The following ARHGAP26 variants were observed in gnomAD, a reference collection of about 807,000 sequenced individuals.
ARHGAP26 encodes the protein rho GTPase-activating protein 26.
A neutral mutation model predicts 104.8 loss-of-function variants in ARHGAP26; 38 were observed. The observed-to-expected ratio is 0.36, with a 90% CI of 0.28 to 0.48. The LOEUF is 0.48. Among genes scored for constraint, ARHGAP26 ranks in the 20% least tolerant of loss-of-function variants. The pLI, the probability that ARHGAP26 is intolerant of heterozygous loss-of-function variation, is 0.99. For synonymous variants in ARHGAP26, 341 were observed against 340.0 expected, an observed-to-expected ratio of 1.00 and a Z score of -0.03; for missense variants, 704 against 947.9, an observed-to-expected ratio of 0.74 and a Z score of 3.38.
chr5:142,896,015 A>G (rs554207281), intron 6 of ARHGAP26, among the ~76,000 whole-genome samples: 10 of 152,238 alleles, frequency 6.6e-5, no homozygotes, highest in Admixed American at 2.0e-4. Flanking sequence ...GTGTGGTTTC[A>G]GTCAAGGTCC....
At chr5:143,135,316 T>G (rs740010) in intron 19 of ARHGAP26, among the ~76,000 whole-genome samples, 3,843 of 152,252 alleles carry the variant, frequency 0.025, 131 homozygotes, top group African/African-American at 0.07. Flanking sequence ...ATTAAGGCCC[T>G]TCAAATGTTG....
chr5:143,133,646 G>A (rs752425608), intron 18 of ARHGAP26, among the ~76,000 whole-genome samples: 1 of 152,240 alleles, frequency 6.6e-6, no homozygotes, highest in African/African-American at 2.4e-5. Flanking sequence ...GCTGTTAACA[G>A]ACAGTGGCTT....
intron 11 of ARHGAP26, among the ~76,000 whole-genome samples, chr5:142,989,004 G>A (rs1355011863): frequency 6.6e-6 from 1 of 152,114 alleles, no homozygotes; most frequent in African/African-American, 2.4e-5. Flanking sequence ...ATGTCTTTTA[G>A]GTCTGCTTGG....
chr5:143,052,480 GA>G (rs935102374), intron 14 of ARHGAP26, among the ~76,000 whole-genome samples: 3 of 150,712 alleles, frequency 2.0e-5, no homozygotes, highest in East Asian at 1.9e-4. Context: ...AAAAAAAAAA[GA>G]AAAAAAAATT....
At chr5:142,907,316 G>A (rs1477839111) in intron 8 of ARHGAP26, 1 of 154,398 alleles carries the variant, frequency 6.5e-6, no homozygotes, top group East Asian at 1.9e-4. Flanking sequence ...AGCGCTTGGA[G>A]GAGGCTTTCT....
In ARHGAP26 at chr5:142,873,403, T is replaced by C. The variant is rs773309825; in HGVS notation, c.158T>C (p.Leu53Ser). 6.3e-7 allele frequency: 1 copy of C among 1,590,438 alleles called. No homozygotes were observed. Among genetic ancestry groups the C allele is most frequent in the South Asian group, 1.2e-5 (1 of 85,836 alleles). ...TTTCCTGTCTTTTTCTTGCTAGATTTGTCTTCAGCGAAGCGGAAGTTTGCA... is the reference window on the plus strand; with the variant it reads ...TTTCCTGTCTTTTTCTTGCTAGATTCGTCTTCAGCGAAGCGGAAGTTTGCA... The part of the protein sequence containing the change: ...GKSLISALKN[L>S]SSAKRKFADS... The change falls in exon 2 of 23, where the codon TTG becomes TCG. Residue 53 changes from leucine to serine, a missense_variant. Leu to Ser is a moderately radical substitution (Grantham distance 145, BLOSUM62 -2). This residue lies in a region of ARHGAP26 where 77 missense variants were observed against 82.6 expected (regional missense o/e 0.93). Transcript: ENST00000645722.
chr5:142,952,979 G>A (rs1475309747), intron 11 of ARHGAP26, among the ~76,000 whole-genome samples: 1 of 152,150 alleles, frequency 6.6e-6, no homozygotes. Context: ...AAAGTGCTGG[G>A]ATTACAGGCA....
At chr5:142,938,612 C>T (rs1236272751) in intron 11 of ARHGAP26, among the ~76,000 whole-genome samples, 1 of 152,192 alleles carries the variant, frequency 6.6e-6, no homozygotes, top group African/African-American at 2.4e-5. Context: ...TCTACCAGCC[C>T]ATCATCATTG....
At chr5:142,972,352 C>T (rs927845001) in intron 11 of ARHGAP26, among the ~76,000 whole-genome samples, 2 of 152,046 alleles carry the variant, frequency 1.3e-5, no homozygotes, top group African/African-American at 4.8e-5. Context: ...TTGCTGTCTG[C>T]ACATTTTCTT....
intron 22 of ARHGAP26, among the ~76,000 whole-genome samples, chr5:143,220,036 G>GT (rs1810928894): frequency 1.3e-5 from 2 of 152,164 alleles, no homozygotes; most frequent in African/African-American, 4.8e-5. Flanking sequence ...CATTGTAAAT[G>GT]TTTTCACCCC....
intron 1 of ARHGAP26, among the ~76,000 whole-genome samples, chr5:142,793,649 A>G (rs185306837): frequency 1.3e-5 from 2 of 152,038 alleles, no homozygotes; most frequent in East Asian, 3.9e-4. Context: ...GTGCAGTGGC[A>G]TGATCTCGGC....
rs58029071 is a variant in ARHGAP26 at position 142,876,863 on chromosome 5, C to G, written c.312+1692C>G. Among the ~76,000 whole-genome samples, 303 of 151,350 alleles carry G rather than the reference C, an allele frequency of 2.0e-3. 2 individuals are homozygous for G. Among genetic ancestry groups the G allele is most frequent in the African/African-American group, 6.7e-3 (278 of 41,200 alleles). The stretch of plus-strand genomic sequence containing the variant: ...CTTACCTTTTGCCCTACGGAAAGAC[C>G]ACTTTCTCTTGATTGCTCACTGCTG... On this transcript the variant is annotated intron_variant, in intron 3 of 22. Transcript: ENST00000645722.
chr5:143,133,875 G>T, intron 18 of ARHGAP26, 92 bp from the exon 19 acceptor site: 1 of 1,296,548 alleles, frequency 7.7e-7, no homozygotes. Context: ...CTAATTCCAA[G>T]ACACTGCCAA....
At chr5:143,177,596 T>G (rs1803667749) in intron 20 of ARHGAP26, among the ~76,000 whole-genome samples, 1 of 152,190 alleles carries the variant, frequency 6.6e-6, no homozygotes, top group African/African-American at 2.4e-5. Flanking sequence ...CTGATAGGCT[T>G]AGGATCTGGC....
chr5:142,826,443 G>C (rs1247466946), intron 1 of ARHGAP26, among the ~76,000 whole-genome samples: 1 of 152,240 alleles, frequency 6.6e-6, no homozygotes, highest in African/African-American at 2.4e-5. Flanking sequence ...TAAGTTTAAA[G>C]AGGGGTAAAT....
chr5:142,944,680 A>G (rs749217001), intron 11 of ARHGAP26, among the ~76,000 whole-genome samples: 7 of 152,160 alleles, frequency 4.6e-5, no homozygotes, highest in Non-Finnish European at 1.0e-4. Flanking sequence ...GGCCGTTTCT[A>G]TTTATCCTTT....
chr5:143,081,668 T>G (rs755443575), intron 17 of ARHGAP26, among the ~76,000 whole-genome samples: 1 of 152,152 alleles, frequency 6.6e-6, no homozygotes, highest in Non-Finnish European at 1.5e-5. Context: ...CAAGATTGAG[T>G]TGATGCATGC....
chr5:143,218,765 T>C (rs938370618), intron 22 of ARHGAP26, among the ~76,000 whole-genome samples: 4 of 152,234 alleles, frequency 2.6e-5, no homozygotes, highest in African/African-American at 9.7e-5. Flanking sequence ...GTGTTGCACA[T>C]TGGCGCCATT....
intron 1 of ARHGAP26, among the ~76,000 whole-genome samples, chr5:142,811,656 AG>A (rs1764097523): frequency 6.6e-6 from 1 of 152,154 alleles, no homozygotes; most frequent in East Asian, 1.9e-4. Flanking sequence ...CTTAAATGGA[AG>A]TAATAATAGA....
Sources: gnomAD v4.1 joint callset for allele counts (sites outside exome capture counted in the v4.1 genomes callset) on GRCh38, gnomAD v4.1.1 for gene constraint, gnomAD v4.1.1 regional missense constraint, MANE v1.5 for transcripts, NCBI Gene and HGNC (gene_info 2026-07-23, HGNC 2026-07-21) for gene names.